Variants in MINDY4 observed in about 807,000 individuals in gnomAD.
MINDY4 encodes the protein probable ubiquitin carboxyl-terminal hydrolase MINDY-4.
Under a neutral mutation model 87.0 loss-of-function variants are expected in MINDY4, and 68 were observed. The ratio of observed to expected loss-of-function variants is 0.78; its 90% CI spans 0.64 to 0.96. The LOEUF (loss-of-function observed/expected upper bound fraction) is 0.96. MINDY4 is among the 40% of genes least tolerant of loss of function. The pLI is 0.00. For missense variants in MINDY4, 919 were observed against 928.2 expected, an observed-to-expected ratio of 0.99 and a Z score of 0.13; for synonymous variants, 379 against 363.2, an observed-to-expected ratio of 1.04 and a Z score of -0.50.
chr7:30,878,778 C>A (rs368959222), intron 15 of MINDY4, among the ~76,000 whole-genome samples: 1 of 152,074 alleles, frequency 6.6e-6, no homozygotes, highest in African/African-American at 2.4e-5. Context: ...CCATCCTCCT[C>A]CCATCCTCCC....
intron 5 of MINDY4, among the ~76,000 whole-genome samples, chr7:30,798,191 G>A (rs914510896): frequency 2.0e-5 from 3 of 152,120 alleles, no homozygotes; most frequent in Non-Finnish European, 4.4e-5. Context: ...TAACACAATG[G>A]GAAGTATTTG....
intron 9 of MINDY4, among the ~76,000 whole-genome samples, chr7:30,846,616 G>C (rs7778852): frequency 0.15 from 22,091 of 152,070 alleles, 1,743 homozygotes; most frequent in Middle Eastern, 0.26. Context: ...TCAGACGCAG[G>C]ACCTTTCCCT....
chr7:30,848,499 G>T (rs1055635718), intron 9 of MINDY4, among the ~76,000 whole-genome samples: 1 of 152,224 alleles, frequency 6.6e-6, no homozygotes, highest in South Asian at 2.1e-4. Flanking sequence ...GGGTGATGGA[G>T]TCACATTTGT....
intron 2 of MINDY4, among the ~76,000 whole-genome samples, chr7:30,779,235 A>T (rs1454308175): frequency 6.6e-6 from 1 of 152,270 alleles, no homozygotes. Context: ...AATACCTTGG[A>T]CACAGCAGAA....
At chr7:30,811,623 C>T (rs1005823885) in intron 5 of MINDY4, among the ~76,000 whole-genome samples, 3 of 152,194 alleles carry the variant, frequency 2.0e-5, no homozygotes, top group Admixed American at 2.0e-4. Context: ...AAGCAGACAG[C>T]CCAGCGCCAC....
chr7:30,860,838 A>G (rs548111307), intron 13 of MINDY4, among the ~76,000 whole-genome samples: 3 of 152,046 alleles, frequency 2.0e-5, no homozygotes, highest in South Asian at 2.1e-4. Context: ...ACCCTTTCCA[A>G]TCAAGCTGGG....
intron 3 of MINDY4, among the ~76,000 whole-genome samples, chr7:30,782,999 G>A (rs566986694): frequency 3.2e-4 from 49 of 152,304 alleles, no homozygotes; most frequent in African/African-American, 1.0e-3. Context: ...ATTGATACTT[G>A]ACTAAACAAT....
intron 9 of MINDY4, among the ~76,000 whole-genome samples, chr7:30,842,712 G>A (rs1008570442): frequency 6.6e-6 from 1 of 152,212 alleles, no homozygotes; most frequent in African/African-American, 2.4e-5. Flanking sequence ...AGGGCGGGCA[G>A]CCTGGTGGAC....
chr7:30,771,427 G>A lies in MINDY4; in HGVS notation c.-67G>A, dbSNP rs945602590. ...CACGGCAACGCGGCCATACTGCGCC[G>A]GACAGACCCAGTTGCCTGGTGCTGC... On this transcript the variant is annotated 5_prime_UTR_variant, in exon 1 of 18. Transcript: ENST00000265299. 5.6e-5 allele frequency: 86 copies of A among 1,529,156 alleles called. No homozygotes were observed. The highest frequency in any genetic ancestry group is 7.5e-5 in the Non-Finnish European group (85 of 1,126,760). The allele number at this position is 1,529,156 out of a possible 1,614,324, so 94.7% of individuals were successfully genotyped here.
chr7:30,835,780 C>T (rs768400592), intron 6 of MINDY4, among the ~76,000 whole-genome samples: 16 of 152,226 alleles, frequency 1.1e-4, no homozygotes, highest in East Asian at 1.9e-4. Flanking sequence ...TCAGCCTTGC[C>T]GGCACCATTG....
intron 13 of MINDY4, among the ~76,000 whole-genome samples, chr7:30,869,811 G>A (rs759200005): frequency 6.6e-6 from 1 of 152,080 alleles, no homozygotes; most frequent in African/African-American, 2.4e-5. Flanking sequence ...TCTTCTCCAG[G>A]CCCCTCGTGC....
At chr7:30,838,701 G>C (rs2128566688) in intron 7 of MINDY4, among the ~76,000 whole-genome samples, 1 of 152,144 alleles carries the variant, frequency 6.6e-6, no homozygotes, top group East Asian at 1.9e-4. Context: ...GGCACACTGT[G>C]GAATCACCTG....
chr7:30,891,488 G>A (rs1413769207), intron 17 of MINDY4, among the ~76,000 whole-genome samples: 5 of 152,188 alleles, frequency 3.3e-5, no homozygotes, highest in African/African-American at 1.2e-4. Flanking sequence ...TCTCAGTAAA[G>A]CCCAGAACCC....
intron 5 of MINDY4, among the ~76,000 whole-genome samples, chr7:30,820,806 A>G (rs1788305858): frequency 6.6e-6 from 1 of 152,198 alleles, no homozygotes; most frequent in Non-Finnish European, 1.5e-5. Context: ...GTGAACATTT[A>G]CGCACATGTA....
Position 30,874,782 on chromosome 7 carries a change from G to A in MINDY4, c.1810-713G>A, listed in dbSNP as rs539452452. Among the ~76,000 whole-genome samples, 41 of 152,200 alleles carry A rather than the reference G, an allele frequency of 2.7e-4. 1 individual carries two copies. The highest frequency in any genetic ancestry group is 9.6e-4 in the African/African-American group (40 of 41,534). Reference sequence around the variant, plus strand: ...TTCCCTGCCCTGTTAAAACCCCACCGTCACTAATGAAGTTCAAACAAGGCC... The same window carrying A: ...TTCCCTGCCCTGTTAAAACCCCACCATCACTAATGAAGTTCAAACAAGGCC... On this transcript the variant is annotated intron_variant, in intron 14 of 17. Coordinates refer to ENST00000265299, the MANE Select transcript of MINDY4 (RefSeq NM_032222.3).
intron 6 of MINDY4, among the ~76,000 whole-genome samples, chr7:30,830,083 TG>T (rs1444173094): frequency 6.6e-6 from 1 of 151,646 alleles, no homozygotes; most frequent in Non-Finnish European, 1.5e-5. Context: ...GCCAGGGGGT[TG>T]GGGGTTGAGC....
intron 6 of MINDY4, among the ~76,000 whole-genome samples, chr7:30,833,310 A>AAGG (rs1788762228): frequency 6.6e-6 from 1 of 152,258 alleles, no homozygotes; most frequent in Admixed American, 6.5e-5. Context: ...GGTGGAAGGC[A>AAGG]AGGAGGAGCA....
At chr7:30,782,567 G>C (rs1242939459) in intron 3 of MINDY4, among the ~76,000 whole-genome samples, 8 of 152,052 alleles carry the variant, frequency 5.3e-5, no homozygotes, top group Non-Finnish European at 1.0e-4. Context: ...GCTAGAGGTG[G>C]CAGTGTGCAC....
chr7:30,839,633 C>A (rs1788972969), intron 8 of MINDY4, among the ~76,000 whole-genome samples: 1 of 151,978 alleles, frequency 6.6e-6, no homozygotes, highest in Non-Finnish European at 1.5e-5. Flanking sequence ...CTGCTTGGGG[C>A]CACTAGAGGG....
Sources: allele counts gnomAD v4.1 joint callset (sites outside exome capture counted in the v4.1 genomes callset), GRCh38; gene constraint gnomAD v4.1.1; transcripts MANE v1.5; gene names NCBI Gene and HGNC (gene_info 2026-07-23, HGNC 2026-07-21).